OLFM3: variants seen among roughly 807,000 people sequenced by gnomAD.
OLFM3 encodes olfactomedin 3.
A neutral mutation model predicts 48.6 loss-of-function variants in OLFM3; 20 were observed. That is an observed-to-expected ratio of 0.41 (90% confidence interval 0.29 to 0.60). The LOEUF is 0.60. Among genes scored for constraint, OLFM3 ranks in the 20% least tolerant of loss-of-function variants. OLFM3 has a pLI of 0.28. For missense variants in OLFM3, 437 were observed against 544.3 expected (o/e 0.80, Z 1.96); for synonymous variants, 222 against 198.1 (o/e 1.12, Z -1.01).
At chr1:101,892,690 A>T (rs1182291275) in intron 1 of OLFM3, among the ~76,000 whole-genome samples, 1 of 151,922 alleles carries the variant, frequency 6.6e-6, no homozygotes, top group Non-Finnish European at 1.5e-5. Flanking sequence ...ATGGTGAAAA[A>T]TTTGCATTGA....
chr1:101,804,268 G>A lies in OLFM3; in HGVS notation c.1347C>T (p.Phe449=), dbSNP rs1653650366. 1 of 1,604,462 alleles carries A rather than the reference G, an allele frequency of 6.2e-7. No individual in the cohort carries two copies. Among genetic ancestry groups the A allele is most frequent in the Non-Finnish European group, 8.5e-7 (1 of 1,175,246 alleles). ...TGTCATCCTCTGTCTTGATGATATG[G>A]AAAAGGGTGACATTGAACAGCACCT... is the stretch of plus-strand genomic sequence containing the variant. ...GHQVLFNVTL[F]HIIKTEDDT Residue 449 remains phenylalanine, a synonymous_variant, in exon 6 of 6, where the codon TTC becomes TTT. Transcript: ENST00000370103. This position sits in a 1 kb window ranked among gnomAD's most constrained non-coding sequence, Gnocchi z 4.5.
At chr1:101,986,159 G>T (rs1661231428) in intron 1 of OLFM3, among the ~76,000 whole-genome samples, 1 of 151,922 alleles carries the variant, frequency 6.6e-6, no homozygotes. Context: ...TAGAGACGGG[G>T]TTTCACAGTG....
intron 1 of OLFM3, among the ~76,000 whole-genome samples, chr1:101,959,057 AC>A (rs1660387843): frequency 6.7e-6 from 1 of 148,426 alleles, no homozygotes; most frequent in Non-Finnish European, 1.5e-5. Flanking sequence ...CCCGCTTCCC[AC>A]CCCGGTCTTA....
At chr1:101,859,201 A>G (rs1213772782) in intron 1 of OLFM3, among the ~76,000 whole-genome samples, 1 of 152,126 alleles carries the variant, frequency 6.6e-6, no homozygotes, top group Non-Finnish European at 1.5e-5. Context: ...CTCCAAAGAG[A>G]AGATTAAACA....
chr1:101,951,641 A>G (rs893053570), intron 1 of OLFM3, among the ~76,000 whole-genome samples: 38 of 152,180 alleles, frequency 2.5e-4, no homozygotes, highest in South Asian at 8.3e-4. Flanking sequence ...AAAAAAGGAA[A>G]GGTCAGCCAG....
chr1:101,899,229 C>T (rs891425657), intron 1 of OLFM3, among the ~76,000 whole-genome samples: 2 of 152,044 alleles, frequency 1.3e-5, no homozygotes, highest in African/African-American at 4.8e-5. Flanking sequence ...TTCAGTTCTC[C>T]ACTGATTGTT....
chr1:101,945,400 C>G (rs933080910), intron 1 of OLFM3, among the ~76,000 whole-genome samples: 4 of 152,004 alleles, frequency 2.6e-5, no homozygotes, highest in African/African-American at 9.7e-5. Flanking sequence ...AAAAGCCAGA[C>G]ATAAAGAGTA....
At chr1:101,847,429 C>T (rs974749826) in intron 1 of OLFM3, among the ~76,000 whole-genome samples, 1 of 151,254 alleles carries the variant, frequency 6.6e-6, no homozygotes, top group African/African-American at 2.4e-5. Context: ...AACTTAATAT[C>T]TACAGATTTC....
At chr1:101,915,068 AC>A (rs1476733619) in intron 1 of OLFM3, among the ~76,000 whole-genome samples, 1 of 152,202 alleles carries the variant, frequency 6.6e-6, no homozygotes, top group Non-Finnish European at 1.5e-5. Flanking sequence ...TTATATCGGT[AC>A]CAACACTACA....
chr1:101,978,298 A>G (rs1285050053), intron 1 of OLFM3, among the ~76,000 whole-genome samples: 2 of 152,166 alleles, frequency 1.3e-5, no homozygotes, highest in Non-Finnish European at 2.9e-5. Flanking sequence ...GAACCATATA[A>G]TAATTCCCAC....
chr1:101,880,305 T>C (rs1486158357), intron 1 of OLFM3, among the ~76,000 whole-genome samples: 2 of 151,758 alleles, frequency 1.3e-5, no homozygotes, highest in Non-Finnish European at 2.9e-5. Flanking sequence ...TTTGAATGGG[T>C]TGATTTCCCC....
At chr1:101,959,506 C>T (rs757649512) in intron 1 of OLFM3, among the ~76,000 whole-genome samples, 2 of 151,930 alleles carry the variant, frequency 1.3e-5, no homozygotes, top group Admixed American at 6.6e-5. Flanking sequence ...GCACTGTGCT[C>T]GGCTTAAAAA....
intron 1 of OLFM3, among the ~76,000 whole-genome samples, chr1:101,958,317 A>C (rs1263725885): frequency 6.6e-6 from 1 of 152,088 alleles, no homozygotes; most frequent in Non-Finnish European, 1.5e-5. Context: ...AGCCCATCAT[A>C]CCTTTTCAAC....
rs1287687017 is a variant in OLFM3 at position 101,996,777 on chromosome 1, ACAG to A, written c.37_39del (p.Leu13del). 5 of 1,614,264 alleles carry A rather than the reference ACAG, an allele frequency of 3.1e-6. No homozygotes were observed. The highest frequency in any genetic ancestry group is 4.2e-6 in the Non-Finnish European group (5 of 1,180,044). ...GAAGGATCTAATCCGGCAAACAAAGACAGCAGCAGGAGGTTGAGAAGGTTGGAC... is the reference window on the plus strand; with the variant it reads ...GAAGGATCTAATCCGGCAAACAAAGACAGCAGGAGGTTGAGAAGGTTGGAC... On this transcript the variant is annotated inframe_deletion, in exon 1 of 6. Transcript: ENST00000370103.
chr1:101,986,028 C>CGATCTCGG (rs1344945795), intron 1 of OLFM3, among the ~76,000 whole-genome samples: 1 of 149,868 alleles, frequency 6.7e-6, no homozygotes, highest in African/African-American at 2.5e-5. Flanking sequence ...TGCAGTGGCG[C>CGATCTCGG]GATCTCGGCT....
At chr1:101,819,216 A>T (rs770614681) in intron 4 of OLFM3, among the ~76,000 whole-genome samples, 1 of 152,056 alleles carries the variant, frequency 6.6e-6, no homozygotes, top group Non-Finnish European at 1.5e-5. Context: ...AGGTAAAGAA[A>T]GCATGCGCAA....
intron 1 of OLFM3, among the ~76,000 whole-genome samples, chr1:101,936,485 A>G (rs1403904052): frequency 6.6e-6 from 1 of 152,162 alleles, no homozygotes; most frequent in Non-Finnish European, 1.5e-5. Context: ...AAATGGAAAA[A>G]CATTCCATAC....
At chr1:101,825,286 C>G in intron 3 of OLFM3, 41 bp from the exon 4 acceptor site, 1 of 1,462,520 alleles carries the variant, frequency 6.8e-7, no homozygotes, top group Non-Finnish European at 9.5e-7. Context: ...TCATTTAAAA[C>G]AGATCATGCT....
chr1:101,937,001 T>A (rs567821542), intron 1 of OLFM3, among the ~76,000 whole-genome samples: 1 of 152,042 alleles, frequency 6.6e-6, no homozygotes, highest in Admixed American at 6.6e-5. Context: ...AACTTAAAAG[T>A]ATAAAAATTC....
Sources: allele counts gnomAD v4.1 joint callset (sites outside exome capture counted in the v4.1 genomes callset), GRCh38; gene constraint gnomAD v4.1.1; non-coding constraint Gnocchi (gnomAD v3.1); transcripts MANE v1.5; gene names NCBI Gene and HGNC (gene_info 2026-07-23, HGNC 2026-07-21).